SLIT1: variants seen among roughly 807,000 people sequenced by gnomAD.
SLIT1 encodes slit guidance ligand 1, also known as slit homolog 1 protein.
In SLIT1, 66 loss-of-function variants were observed where a neutral mutation model predicts 186.1. That is an observed-to-expected ratio of 0.35 (90% confidence interval 0.29 to 0.44). The LOEUF is 0.44. SLIT1 is among the 20% of genes least tolerant of loss of function. The pLI is 1.00. For synonymous variants in SLIT1, 761 were observed against 833.8 expected (o/e 0.91, Z 1.50); for missense variants, 1,638 against 2,037.4 (o/e 0.80, Z 3.77).
At chr10:97,001,597 G>A (rs1334359882) in intron 36 of SLIT1, among the ~76,000 whole-genome samples, 1 of 152,048 alleles carries the variant, frequency 6.6e-6, no homozygotes, top group African/African-American at 2.4e-5. Flanking sequence ...CTGGAGGGAG[G>A]GGGGGTCCCC....
intron 18 of SLIT1, among the ~76,000 whole-genome samples, chr10:97,044,633 C>T (rs1316194191): frequency 6.6e-6 from 1 of 152,124 alleles, no homozygotes; most frequent in Non-Finnish European, 1.5e-5. Context: ...ATAATAATGA[C>T]ATCCAGGATC....
intron 4 of SLIT1, among the ~76,000 whole-genome samples, chr10:97,140,447 C>G (rs546448608): frequency 2.9e-4 from 44 of 152,332 alleles, no homozygotes; most frequent in African/African-American, 8.2e-4. Flanking sequence ...TAAAACAAAC[C>G]CGCCAAAGGG....
At chr10:97,077,977 G>T (rs1189553633) in intron 4 of SLIT1, among the ~76,000 whole-genome samples, 1 of 152,246 alleles carries the variant, frequency 6.6e-6, no homozygotes, top group South Asian at 2.1e-4. Context: ...AGGTGTGTTA[G>T]TGTGTCTGTG....
At chr10:97,135,790 A>G (rs534710353) in intron 4 of SLIT1, among the ~76,000 whole-genome samples, 2 of 152,216 alleles carry the variant, frequency 1.3e-5, no homozygotes, top group Non-Finnish European at 2.9e-5. Context: ...GGACAATGAC[A>G]GAGACCAGGT....
chr10:97,169,903 G>T (rs1411708212), intron 1 of SLIT1, among the ~76,000 whole-genome samples: 3 of 152,232 alleles, frequency 2.0e-5, no homozygotes, highest in Middle Eastern at 3.2e-3. Flanking sequence ...AAGTGGTGGG[G>T]CGGGATCAGA....
intron 30 of SLIT1, among the ~76,000 whole-genome samples, chr10:97,011,755 C>T (rs992018525): frequency 6.6e-6 from 1 of 152,162 alleles, no homozygotes; most frequent in Non-Finnish European, 1.5e-5. Context: ...AATGGCCTTG[C>T]TGTCTGTCCT....
At position 97,064,884 on chromosome 10, in the gene SLIT1, G is replaced by A. The variant is rs1452923715; in HGVS notation, c.486-8C>T. The A allele has an allele frequency of 1.9e-6, 3 of 1,611,856 alleles. No homozygotes were observed. The highest frequency in any genetic ancestry group is 1.7e-6 in the Non-Finnish European group (2 of 1,178,782). The stretch of plus-strand genomic sequence containing the variant: ...TGGTTCTTGTCCAGCTGTCTGTGAA[G>A]CAAAGGAAGGTTGTAGAGAGAAGGG... On this transcript the variant is annotated splice_region_variant and splice_polypyrimidine_tract_variant and intron_variant, in intron 5 of 36. Transcript: ENST00000266058.
chr10:97,110,873 T>A (rs1370877279), intron 4 of SLIT1, among the ~76,000 whole-genome samples: 1 of 152,196 alleles, frequency 6.6e-6, no homozygotes, highest in Admixed American at 6.5e-5. Context: ...AAATTTTCTT[T>A]TGTTATCAAA....
rs1195913528 is a variant in SLIT1 at position 97,001,907 on chromosome 10, T to G, written c.4366+251A>C. ...GGCCAGGAGCTGTTACCCTGGGTGGTCTCTTCTGCAAGGAGAGACCCCAGC... is the reference window on the plus strand; with the variant it reads ...GGCCAGGAGCTGTTACCCTGGGTGGGCTCTTCTGCAAGGAGAGACCCCAGC... On this transcript the variant is annotated intron_variant, in intron 36 of 36. Coordinates refer to ENST00000266058, the MANE Select transcript of SLIT1 (RefSeq NM_003061.3). 3.9e-5 allele frequency among the ~76,000 whole-genome samples: 6 copies of G among 151,932 alleles called. No individual in the cohort carries two copies. The South Asian group carries it at 8.3e-4, about 21-fold the overall frequency.
At position 97,184,263 on chromosome 10, in the gene SLIT1, T is replaced by C. The variant is rs1341600815; in HGVS notation, c.197+1215A>G. ...GCCATGAAAATGTGCTCGAAAGTTA[T>C]CAAAATATGCACACCTTTCCTGAGA... On this transcript the variant is annotated intron_variant, in intron 1 of 36. Coordinates refer to ENST00000266058, the MANE Select transcript of SLIT1 (RefSeq NM_003061.3). This position sits in a 1 kb window ranked among gnomAD's most constrained non-coding sequence, Gnocchi z 4.4. Among the ~76,000 whole-genome samples, 1 of 152,060 alleles carries C rather than the reference T, an allele frequency of 6.6e-6. No homozygotes were observed. The highest frequency in any genetic ancestry group is 1.5e-5 in the Non-Finnish European group (1 of 68,022).
At chr10:97,026,613 A>T (rs1362186839) in intron 25 of SLIT1, among the ~76,000 whole-genome samples, 1 of 152,200 alleles carries the variant, frequency 6.6e-6, no homozygotes, top group East Asian at 1.9e-4. Flanking sequence ...ATGCATTTGG[A>T]CATCTAGCTT....
Position 97,105,893 on chromosome 10 carries a change from G to A in SLIT1, c.414-39807C>T, listed in dbSNP as rs191195989. Reference sequence around the variant, plus strand: ...CCCGGAATCTGGTCCGGAGGCCTCCGCCAAGGGCACCATCAGGTGGATGCC... The same window carrying A: ...CCCGGAATCTGGTCCGGAGGCCTCCACCAAGGGCACCATCAGGTGGATGCC... On this transcript the variant is annotated intron_variant, in intron 4 of 36. Coordinates refer to ENST00000266058, the MANE Select transcript of SLIT1 (RefSeq NM_003061.3). Among the ~76,000 whole-genome samples, 555 of 152,338 alleles carry A rather than the reference G, an allele frequency of 3.6e-3. 5 individuals carry two copies. Among genetic ancestry groups the A allele is most frequent in the Middle Eastern group, 0.024 (7 of 294 alleles).
intron 13 of SLIT1, 103 bp downstream of exon 13, chr10:97,056,218 G>A (rs1019301874): frequency 1.2e-5 from 16 of 1,333,638 alleles, no homozygotes; most frequent in Non-Finnish European, 1.7e-5. Context: ...CCCCCAGTGA[G>A]CACAGCAGCC....
chr10:97,117,369 C>G (rs936282062), intron 4 of SLIT1, among the ~76,000 whole-genome samples: 9 of 152,174 alleles, frequency 5.9e-5, no homozygotes, highest in African/African-American at 1.9e-4. Context: ...TCTCTAATAA[C>G]TTATTTGCTT....
chr10:97,080,976 C>A (rs1467482544), intron 4 of SLIT1, among the ~76,000 whole-genome samples: 2 of 152,220 alleles, frequency 1.3e-5, no homozygotes, highest in African/African-American at 2.4e-5. Flanking sequence ...CTACGCTGCT[C>A]TTTGCTGGAC....
chr10:97,081,044 G>T (rs1849099690), intron 4 of SLIT1, among the ~76,000 whole-genome samples: 1 of 152,208 alleles, frequency 6.6e-6, no homozygotes, highest in Non-Finnish European at 1.5e-5. Context: ...TACGCAACAG[G>T]CAGGCCACCC....
At chr10:97,057,924 A>G (rs1564664217) in intron 11 of SLIT1, 6 of 712,856 alleles carry the variant, frequency 8.4e-6, no homozygotes, top group Non-Finnish European at 1.3e-5. Context: ...CATTCCCAAT[A>G]TCATAATCGG....
intron 27 of SLIT1, 108 bp from the exon 28 acceptor site, chr10:97,018,791 CTTG>C: frequency 1.4e-6 from 1 of 710,206 alleles, no homozygotes; most frequent in Non-Finnish European, 2.4e-6. Context: ...CCAGGAGTTA[CTTG>C]TTTTCATTCA....
intron 4 of SLIT1, among the ~76,000 whole-genome samples, chr10:97,082,312 G>T (rs1361723871): frequency 6.6e-6 from 1 of 152,252 alleles, no homozygotes; most frequent in East Asian, 1.9e-4. Flanking sequence ...AGTGGTGGTG[G>T]TGGTGGTGAT....
Sources: allele counts gnomAD v4.1 joint callset (sites outside exome capture counted in the v4.1 genomes callset), GRCh38; gene constraint gnomAD v4.1.1; non-coding constraint Gnocchi (gnomAD v3.1); transcripts MANE v1.5; gene names NCBI Gene and HGNC (gene_info 2026-07-23, HGNC 2026-07-21).